The following GRK5 variants were observed in gnomAD, a reference collection of about 807,000 sequenced individuals.
GRK5 encodes the protein G protein-coupled receptor kinase 5, also known as g protein-coupled receptor kinase GRK5.
A neutral mutation model predicts 78.4 loss-of-function variants in GRK5; 40 were observed. That is an observed-to-expected ratio of 0.51 (90% confidence interval 0.40 to 0.66). The LOEUF (loss-of-function observed/expected upper bound fraction) is 0.66. GRK5 is among the 30% of genes least tolerant of loss of function. The pLI, the probability that GRK5 is intolerant of heterozygous loss-of-function variation, is 0.00. For synonymous variants in GRK5, 289 were observed against 296.8 expected, an observed-to-expected ratio of 0.97 and a Z score of 0.27; for missense variants, 598 against 759.9, an observed-to-expected ratio of 0.79 and a Z score of 2.50.
chr10:119,423,320 G>A (rs995787693), intron 5 of GRK5, 54 bp downstream of exon 5: 3 of 1,247,792 alleles, frequency 2.4e-6, no homozygotes, highest in Non-Finnish European at 3.5e-6. Flanking sequence ...GAGATGGGAT[G>A]CCGCAGCTCT....
intron 1 of GRK5, among the ~76,000 whole-genome samples, chr10:119,287,559 A>C (rs74913124): frequency 0.039 from 5,946 of 152,284 alleles, 180 homozygotes; most frequent in African/African-American, 0.085. Flanking sequence ...CAAGGAAAAA[A>C]ATGCCTGTTT....
intron 1 of GRK5, among the ~76,000 whole-genome samples, chr10:119,281,021 A>T: frequency 6.6e-6 from 1 of 151,774 alleles, no homozygotes; most frequent in Non-Finnish European, 1.5e-5. Context: ...CTCATGATCC[A>T]CACGCCTTGG....
chr10:119,389,017 A>G (rs1390358096), intron 3 of GRK5, among the ~76,000 whole-genome samples: 1 of 152,210 alleles, frequency 6.6e-6, no homozygotes, highest in Non-Finnish European at 1.5e-5. Flanking sequence ...CATTTCCCTA[A>G]TATCATACTG....
At chr10:119,329,507 A>G (rs1354654613) in intron 2 of GRK5, among the ~76,000 whole-genome samples, 1 of 152,184 alleles carries the variant, frequency 6.6e-6, no homozygotes, top group African/African-American at 2.4e-5. Context: ...CAGTGGGTGC[A>G]GACTAAAAAG....
chr10:119,364,252 C>T (rs923125361), intron 2 of GRK5, among the ~76,000 whole-genome samples: 9 of 152,188 alleles, frequency 5.9e-5, no homozygotes, highest in Admixed American at 1.3e-4. Context: ...ACTGAGACAC[C>T]AATAGCCAGA....
chr10:119,382,254 G>A (rs577583204), intron 3 of GRK5, among the ~76,000 whole-genome samples: 34 of 152,222 alleles, frequency 2.2e-4, no homozygotes, highest in African/African-American at 7.5e-4. Flanking sequence ...CTTGGGCTTC[G>A]GGCAGGCTCT....
intron 1 of GRK5, among the ~76,000 whole-genome samples, chr10:119,263,110 C>T (rs1202836432): frequency 2.6e-5 from 4 of 152,104 alleles, no homozygotes; most frequent in African/African-American, 7.2e-5. Context: ...TGAGTTCAAG[C>T]CATTCTCCTG....
In GRK5 at chr10:119,430,172, AG is replaced by A. The variant is rs1286869446; in HGVS notation, c.534-198del. Reference sequence around the variant, plus strand: ...TGCAGGGGGCTGGGGGCTGGGGGCCAGGGGGCTTGGGATTTGAACACTCAGC... The same window carrying A: ...TGCAGGGGGCTGGGGGCTGGGGGCCAGGGGCTTGGGATTTGAACACTCAGC... On this transcript the variant is annotated intron_variant, in intron 6 of 15. Coordinates refer to ENST00000392870, the MANE Select transcript of GRK5 (RefSeq NM_005308.3). The surrounding 1 kb of genome is among the most constrained non-coding windows in gnomAD (Gnocchi z 4.5). 2.0e-5 allele frequency among the ~76,000 whole-genome samples: 3 copies of A among 152,060 alleles called. No homozygotes were observed. The highest frequency in any genetic ancestry group is 4.4e-5 in the Non-Finnish European group (3 of 67,990).
At chr10:119,374,498 G>A (rs964364402) in intron 2 of GRK5, among the ~76,000 whole-genome samples, 6 of 152,198 alleles carry the variant, frequency 3.9e-5, no homozygotes, top group Admixed American at 6.5e-5. Context: ...GTTGGTTGAC[G>A]TACCCTCTGT....
intron 1 of GRK5, among the ~76,000 whole-genome samples, chr10:119,289,000 A>G (rs1030146321): frequency 6.6e-6 from 1 of 152,168 alleles, no homozygotes; most frequent in East Asian, 1.9e-4. Context: ...CAAGATTTCA[A>G]AAAACATGCC....
intron 1 of GRK5, among the ~76,000 whole-genome samples, chr10:119,319,106 C>A (rs1424011456): frequency 1.3e-5 from 2 of 152,198 alleles, no homozygotes; most frequent in Non-Finnish European, 2.9e-5. Flanking sequence ...CCCCCACCCT[C>A]CTTTGTTGGC....
intron 4 of GRK5, among the ~76,000 whole-genome samples, chr10:119,401,797 C>T (rs1212916992): frequency 1.3e-5 from 2 of 152,108 alleles, no homozygotes; most frequent in Non-Finnish European, 2.9e-5. Flanking sequence ...AAGGAAGGGT[C>T]GGGAGGGCCT....
rs551952283 is a variant in GRK5, at chr10:119,394,322, G to A, written c.262-2373G>A. On this transcript the variant is annotated intron_variant, in intron 3 of 15. Coordinates refer to ENST00000392870, the MANE Select transcript of GRK5 (RefSeq NM_005308.3). ...TGTGTCTGTGTGGGCACGTGGGTGT[G>A]TGTATCTGTGTGTCTGTGTGTGGGC... is the stretch of plus-strand genomic sequence containing the variant. Among the ~76,000 whole-genome samples the A allele has an allele frequency of 2.5e-4, 28 of 111,744 alleles. 4 individuals are homozygous for A. The highest frequency in any genetic ancestry group is 3.2e-4 in the Admixed American group (4 of 12,698). The allele number at this position is 111,744 out of a possible 152,430, so 73.3% of individuals were successfully genotyped here.
chr10:119,225,668 CTCT>C (rs1282157019), intron 1 of GRK5, among the ~76,000 whole-genome samples: 3 of 100,800 alleles, frequency 3.0e-5, no homozygotes, highest in Admixed American at 1.2e-4. Context: ...TTCTCTCTCT[CTCT>C]TTTTTTTTTT....
At chr10:119,453,056 G>GC (rs1853323087) in intron 14 of GRK5, 89 bp from the exon 15 acceptor site, 1 of 923,032 alleles carries the variant, frequency 1.1e-6, no homozygotes, top group Non-Finnish European at 1.8e-6. Flanking sequence ...GGCAGGTGAG[G>GC]CCAGGGGAGG....
chr10:119,290,360 AAAAC>A (rs1333699269), intron 1 of GRK5, among the ~76,000 whole-genome samples: 9 of 142,018 alleles, frequency 6.3e-5, no homozygotes, highest in South Asian at 2.3e-4. Context: ...AAAAAAAAAA[AAAAC>A]AAAAAACAAC....
intron 3 of GRK5, among the ~76,000 whole-genome samples, chr10:119,395,452 C>T (rs75416890): frequency 0.047 from 7,133 of 152,188 alleles, 275 homozygotes; most frequent in East Asian, 0.2. Context: ...CATGGTGGGA[C>T]GCCTGGGGAG....
At chr10:119,225,930 G>A (rs1018114924) in intron 1 of GRK5, among the ~76,000 whole-genome samples, 2 of 149,688 alleles carry the variant, frequency 1.3e-5, no homozygotes, top group African/African-American at 2.5e-5. Flanking sequence ...CTCACTGCAA[G>A]CTCCGCCTCC....
intron 1 of GRK5, among the ~76,000 whole-genome samples, chr10:119,272,347 T>C (rs1589714850): frequency 6.6e-6 from 1 of 151,938 alleles, no homozygotes; most frequent in South Asian, 2.1e-4. Flanking sequence ...GAGGCTGAGG[T>C]GGGCGGATCA....
Sources: allele counts gnomAD v4.1 joint callset (sites outside exome capture counted in the v4.1 genomes callset), GRCh38; gene constraint gnomAD v4.1.1; non-coding constraint Gnocchi (gnomAD v3.1); transcripts MANE v1.5; gene names NCBI Gene and HGNC (gene_info 2026-07-23, HGNC 2026-07-21).